SNTB1: variants seen among roughly 807,000 people sequenced by gnomAD.
SNTB1 encodes beta-1-syntrophin.
Under a neutral mutation model 48.9 loss-of-function variants are expected in SNTB1, and 36 were observed. That is an observed-to-expected ratio of 0.74 (90% CI 0.56 to 0.97). The LOEUF is 0.97. Among genes scored for constraint, SNTB1 ranks in the 50% least tolerant of loss-of-function variants. The pLI is 0.00. For missense variants in SNTB1, 786 were observed against 703.4 expected, an observed-to-expected ratio of 1.12 and a Z score of -1.33; for synonymous variants, 299 against 294.6, an observed-to-expected ratio of 1.01 and a Z score of -0.15.
At chr8:120,587,253 CA>C (rs967582846) in intron 3 of SNTB1, among the ~76,000 whole-genome samples, 7 of 129,514 alleles carry the variant, frequency 5.4e-5, no homozygotes, top group East Asian at 2.1e-4. Flanking sequence ...GACAAACAAA[CA>C]AAAAAACCCA....
At chr8:120,723,752 T>C (rs1419539269) in intron 1 of SNTB1, among the ~76,000 whole-genome samples, 1 of 152,230 alleles carries the variant, frequency 6.6e-6, no homozygotes, top group Non-Finnish European at 1.5e-5. Context: ...AAGGGGATGA[T>C]AATATCTGCC....
chr8:120,585,064 G>A (rs1002206525), intron 3 of SNTB1, among the ~76,000 whole-genome samples: 4 of 152,190 alleles, frequency 2.6e-5, no homozygotes, highest in East Asian at 3.8e-4. Flanking sequence ...TTTCTGTAGT[G>A]TAAGCCACCC....
rs1250266230 is a variant in SNTB1, at chr8:120,632,664, A to T, written c.789-13T>A. The T allele has an allele frequency of 6.2e-7, 1 of 1,613,182 alleles. No individual in the cohort carries two copies. Among genetic ancestry groups the T allele is most frequent in the East Asian group, 2.2e-5 (1 of 44,882 alleles). ...GATTTCAAGCTGCCTAGAGGAGCAC[A>T]GAGAGAAGGGTTAGAAAGTTTCCTG... On this transcript the variant is annotated splice_polypyrimidine_tract_variant and intron_variant, in intron 2 of 6. Coordinates refer to ENST00000517992, the MANE Select transcript of SNTB1 (RefSeq NM_021021.4).
At chr8:120,557,512 A>G (rs1408376624) in intron 4 of SNTB1, among the ~76,000 whole-genome samples, 2 of 152,222 alleles carry the variant, frequency 1.3e-5, no homozygotes, top group Non-Finnish European at 2.9e-5. Context: ...GGGTAAGAAG[A>G]TAGATGTTGG....
At chr8:120,643,771 G>A (rs928946132) in intron 2 of SNTB1, among the ~76,000 whole-genome samples, 3 of 152,120 alleles carry the variant, frequency 2.0e-5, no homozygotes, top group African/African-American at 7.2e-5. Context: ...TTTCCTCTGG[G>A]TAGAGACCCA....
chr8:120,687,336 C>T (rs749280040), intron 2 of SNTB1, among the ~76,000 whole-genome samples: 1 of 152,154 alleles, frequency 6.6e-6, no homozygotes, highest in Non-Finnish European at 1.5e-5. Flanking sequence ...AAGCAAAACC[C>T]AAATCCACTG....
intron 1 of SNTB1, among the ~76,000 whole-genome samples, chr8:120,745,312 C>T (rs886100052): frequency 6.6e-6 from 1 of 152,048 alleles, no homozygotes; most frequent in Non-Finnish European, 1.5e-5. Context: ...ACATCATCCC[C>T]ATCGTGGTTG....
intron 1 of SNTB1, among the ~76,000 whole-genome samples, chr8:120,808,902 T>A (rs11987979): frequency 0.072 from 10,872 of 152,004 alleles, 1,309 homozygotes; most frequent in African/African-American, 0.25. Flanking sequence ...TAGGTTTTTT[T>A]AAAAAAAAGG....
At chr8:120,767,083 A>C (rs1367371750) in intron 1 of SNTB1, among the ~76,000 whole-genome samples, 1 of 151,778 alleles carries the variant, frequency 6.6e-6, no homozygotes, top group Non-Finnish European at 1.5e-5. Context: ...ACTCTCCTCC[A>C]TTTTCCAGTC....
At chr8:120,585,031 C>T (rs1395672471) in intron 3 of SNTB1, among the ~76,000 whole-genome samples, 1 of 152,172 alleles carries the variant, frequency 6.6e-6, no homozygotes, top group Non-Finnish European at 1.5e-5. Context: ...TAATTCTAGC[C>T]TCCAGAACTG....
intron 2 of SNTB1, among the ~76,000 whole-genome samples, chr8:120,664,882 T>G (rs1322446706): frequency 6.6e-6 from 1 of 152,206 alleles, no homozygotes; most frequent in Non-Finnish European, 1.5e-5. Context: ...ATTTTTCATT[T>G]TCAAACTGAA....
chr8:120,785,738 AAC>A (rs759975821), intron 1 of SNTB1, among the ~76,000 whole-genome samples: 1 of 152,176 alleles, frequency 6.6e-6, no homozygotes, highest in Non-Finnish European at 1.5e-5. Context: ...TACTCTGGGA[AAC>A]ACAAGGCAAA....
chr8:120,726,958 C>G (rs1818766280), intron 1 of SNTB1, among the ~76,000 whole-genome samples: 1 of 152,208 alleles, frequency 6.6e-6, no homozygotes, highest in African/African-American at 2.4e-5. Flanking sequence ...CCAGAAATCT[C>G]AGTCAACACT....
chr8:120,694,377 C>A (rs1056315206), intron 1 of SNTB1, among the ~76,000 whole-genome samples: 15 of 151,676 alleles, frequency 9.9e-5, no homozygotes, highest in Non-Finnish European at 7.4e-5. Flanking sequence ...GAAACACATA[C>A]AAAGAAATAT....
intron 3 of SNTB1, among the ~76,000 whole-genome samples, chr8:120,619,873 C>T (rs1026104651): frequency 5.9e-5 from 9 of 152,132 alleles, no homozygotes; most frequent in Non-Finnish European, 1.3e-4. Context: ...GAAAGACACA[C>T]ACATTTTTGT....
chr8:120,597,180 G>T (rs1687678298), intron 3 of SNTB1, among the ~76,000 whole-genome samples: 2 of 152,218 alleles, frequency 1.3e-5, no homozygotes, highest in Admixed American at 1.3e-4. Context: ...ACAAGCCAAG[G>T]ATACCAGTGG....
chr8:120,683,104 A>G (rs532852396), intron 2 of SNTB1, among the ~76,000 whole-genome samples: 2 of 152,114 alleles, frequency 1.3e-5, no homozygotes, highest in South Asian at 4.1e-4. Flanking sequence ...GATGGTCTCA[A>G]TCTCCTGACC....
At position 120,762,804 on chromosome 8, in the gene SNTB1, A is replaced by ATAAATAAATACAG. The variant is rs1421350085; in HGVS notation, c.571+48468_571+48469insCTGTATTTATTTA. ...TTAGTAGACAGTGTGCACTCAATAA[A>ATAAATAAATACAG]TGCTTGCCGAAAGAAAAAAAATACT... On this transcript the variant is annotated intron_variant, in intron 1 of 6. Coordinates refer to ENST00000517992, the MANE Select transcript of SNTB1 (RefSeq NM_021021.4). Among the ~76,000 whole-genome samples the ATAAATAAATACAG allele has an allele frequency of 3.3e-5, 5 of 152,326 alleles. No individual in the cohort carries two copies. The East Asian group carries it at 9.6e-4, about 29-fold the overall frequency.
At chr8:120,682,364 T>C (rs1421706483) in intron 2 of SNTB1, among the ~76,000 whole-genome samples, 1 of 151,732 alleles carries the variant, frequency 6.6e-6, no homozygotes, top group African/African-American at 2.4e-5. Flanking sequence ...TCTATTTTGT[T>C]AGGTCTGTTA....
Sources: gnomAD v4.1 joint callset for allele counts (sites outside exome capture counted in the v4.1 genomes callset) on GRCh38, gnomAD v4.1.1 for gene constraint, MANE v1.5 for transcripts, NCBI Gene and HGNC (gene_info 2026-07-23, HGNC 2026-07-21) for gene names.